The following CEACAM21 variants were observed in gnomAD, a reference collection of about 807,000 sequenced individuals.
CEACAM21 encodes the protein CEA cell adhesion molecule 21, also known as cell adhesion molecule CEACAM21.
A neutral mutation model predicts 33.2 loss-of-function variants in CEACAM21; 38 were observed. The observed-to-expected ratio is 1.14, with a 90% CI of 0.88 to 1.50. The LOEUF is 1.50. Ranked by LOEUF, CEACAM21 falls within the 40% of genes most tolerant of loss-of-function variation. The pLI is 0.00. For synonymous variants in CEACAM21, 156 were observed against 143.0 expected (o/e 1.09, Z -0.65); for missense variants, 385 against 364.6 (o/e 1.06, Z -0.46).
upstream of CEACAM21, among the ~76,000 whole-genome samples, chr19:41,576,028 C>A (rs936773752): frequency 6.6e-6 from 1 of 151,996 alleles, no homozygotes; most frequent in African/African-American, 2.4e-5. Flanking sequence ...CCTAGGGAAC[C>A]AAATATAGGC....
chr19:41,575,416 G>T (rs2042876754), upstream of CEACAM21, among the ~76,000 whole-genome samples: 1 of 152,176 alleles, frequency 6.6e-6, no homozygotes, highest in South Asian at 2.1e-4. Context: ...TCATACTCAT[G>T]TACACACCCT....
chr19:41,584,877 G>A (rs1278871445), intron 4 of CEACAM21, among the ~76,000 whole-genome samples: 1 of 152,192 alleles, frequency 6.6e-6, no homozygotes, highest in Non-Finnish European at 1.5e-5. Context: ...TGACTGACAT[G>A]GTAACTGCAG....
chr19:41,560,574 C>G (rs2041822810), intron 1 of CEACAM21, among the ~76,000 whole-genome samples: 1 of 152,112 alleles, frequency 6.6e-6, no homozygotes, highest in South Asian at 2.1e-4. Context: ...TGAGCATATA[C>G]AAAAAATCCT....
chr19:41,581,655 G>T (rs545718200), intron 3 of CEACAM21, among the ~76,000 whole-genome samples: 4 of 152,280 alleles, frequency 2.6e-5, no homozygotes, highest in Non-Finnish European at 4.4e-5. Flanking sequence ...AAGGCAAAAG[G>T]CATGTCTTAC....
At chr19:41,575,077 AT>A (rs1264173233), upstream of CEACAM21, among the ~76,000 whole-genome samples, 1 of 152,222 alleles carries the variant, frequency 6.6e-6, no homozygotes, top group Admixed American at 6.5e-5. Flanking sequence ...AAGAGAAATA[AT>A]CCAGAAAAAA....
intron 5 of CEACAM21, 91 bp downstream of exon 5, chr19:41,585,586 C>T (rs1468446315): frequency 1.4e-6 from 2 of 1,389,414 alleles, no homozygotes; most frequent in East Asian, 2.3e-5. Flanking sequence ...GGGCCTCTGA[C>T]CCTATCCCTG....
intron 1 of CEACAM21, among the ~76,000 whole-genome samples, chr19:41,557,432 T>C (rs1369739765): frequency 6.6e-6 from 1 of 152,182 alleles, no homozygotes; most frequent in African/African-American, 2.4e-5. Context: ...TCAGGAGGTA[T>C]TATATTGTAG....
intron 3 of CEACAM21, among the ~76,000 whole-genome samples, chr19:41,583,611 GC>G (rs2070477632): frequency 6.6e-6 from 1 of 152,178 alleles, no homozygotes; most frequent in African/African-American, 2.4e-5. Context: ...AAGGTGAAAG[GC>G]ATGTCTTACA....
intron 1 of CEACAM21, among the ~76,000 whole-genome samples, chr19:41,560,261 C>G (rs1176195957): frequency 1.3e-5 from 2 of 151,978 alleles, no homozygotes; most frequent in Non-Finnish European, 2.9e-5. Flanking sequence ...CTCGCTCTGT[C>G]ATCCAGGCTG....
chr19:41,555,188 T>C (rs1188455528), intron 1 of CEACAM21: 1 of 152,038 alleles, frequency 6.6e-6, no homozygotes, highest in African/African-American at 2.4e-5. Context: ...TTTTTATTAT[T>C]GACCTCTTCT....
chr19:41,586,464 G>T lies in CEACAM21; in HGVS notation c.*1G>T, dbSNP rs1555795535. 1 of 635,188 alleles carries T rather than the reference G, an allele frequency of 1.6e-6. No homozygotes were observed. The highest frequency in any genetic ancestry group is 1.8e-5 in the Admixed American group (1 of 54,686). The allele number at this position is 635,188 out of a possible 1,614,324, so 39.3% of individuals were successfully genotyped here. A position where few individuals can be genotyped will look rare whatever the true frequency, so the allele number is the denominator to read the frequency against. ...CAAGACCTCTTCTCTGTTTTTACAG[G>T]AATTGCTACACTCTGACACAAACAT... is the stretch of plus-strand genomic sequence containing the variant. On this transcript the variant is annotated splice_region_variant and 3_prime_UTR_variant, in exon 7 of 7. Transcript: ENST00000401445.
chr19:41,553,350 CA>C (rs34631471), intron 1 of CEACAM21, among the ~76,000 whole-genome samples: 65,942 of 151,750 alleles, frequency 0.43, 15,678 homozygotes, highest in East Asian at 0.56. Context: ...ATGATCTGCC[CA>C]CCTCAGCCTC....
In CEACAM21 at chr19:41,576,332, C is replaced by G; in HGVS notation, c.58C>G (p.Leu20Val). The G allele has an allele frequency of 6.2e-7, 1 of 1,610,728 alleles. No individual in the cohort carries two copies. The highest frequency in any genetic ancestry group is 1.3e-5 in the African/African-American group (1 of 74,994). The change falls in exon 1 of 7, where the codon CTC becomes GTC. Residue 20 changes from leucine to valine, a missense_variant. Physicochemically the swap from Leu to Val is conservative, Grantham distance 32 (BLOSUM62 1). Coordinates refer to ENST00000401445, the MANE Select transcript of CEACAM21 (RefSeq NM_001098506.4). ...ATGCATCCCCTGGCAGGGGCTCTTGCTCACAGGTGAGGGGAGGACTCCCTG... is the reference window on the plus strand; with the variant it reads ...ATGCATCCCCTGGCAGGGGCTCTTGGTCACAGGTGAGGGGAGGACTCCCTG... The part of the protein sequence containing the change: ...RECIPWQGLL[L>V]TASLLTFWNA...
chr19:41,585,941 G>A (rs2070706494), intron 6 of CEACAM21, 70 bp downstream of exon 6: 5 of 1,514,490 alleles, frequency 3.3e-6, no homozygotes, highest in Non-Finnish European at 4.6e-6. Flanking sequence ...CAGGGGGACT[G>A]TCAATCCCCA....
intron 1 of CEACAM21, chr19:41,550,531 G>A (rs1422768379): frequency 2.0e-5 from 3 of 152,264 alleles, no homozygotes; most frequent in Non-Finnish European, 2.9e-5. Context: ...AGCACTTTGG[G>A]AGGCTGAGAT....
At chr19:41,584,302 C>T (rs782215060) in intron 3 of CEACAM21, 45 bp from the exon 4 acceptor site, 3 of 1,541,512 alleles carry the variant, frequency 1.9e-6, no homozygotes, top group South Asian at 1.2e-5. Flanking sequence ...CATGGTTCCC[C>T]CTGGAACAGA....
At chr19:41,571,477 T>C (rs982376879), upstream of CEACAM21, among the ~76,000 whole-genome samples, 5 of 152,044 alleles carry the variant, frequency 3.3e-5, no homozygotes, top group African/African-American at 9.7e-5. Flanking sequence ...CCTGTAGACA[T>C]TGAAAGAAGA....
intron 5 of CEACAM21, 127 bp from the exon 6 acceptor site, chr19:41,585,713 C>A (rs1352508863): frequency 5.4e-6 from 6 of 1,110,964 alleles, no homozygotes; most frequent in East Asian, 2.6e-5. Flanking sequence ...GCTTACTTGA[C>A]CCCTAAAATA....
chr19:41,550,907 G>A (rs537932829), intron 1 of CEACAM21, among the ~76,000 whole-genome samples: 1 of 151,624 alleles, frequency 6.6e-6, no homozygotes, highest in African/African-American at 2.4e-5. Flanking sequence ...TTTTTATTTC[G>A]TATGATGGAC....
Sources: gnomAD v4.1 joint callset for allele counts (sites outside exome capture counted in the v4.1 genomes callset) on GRCh38, gnomAD v4.1.1 for gene constraint, MANE v1.5 for transcripts, NCBI Gene and HGNC (gene_info 2026-07-23, HGNC 2026-07-21) for gene names.